The following HDAC9 variants were observed in gnomAD, a reference collection of about 807,000 sequenced individuals.
HDAC9 encodes the protein histone deacetylase 9, also known as MEF-2 interacting transcription repressor (MITR) protein.
Under a neutral mutation model 139.4 loss-of-function variants are expected in HDAC9, and 41 were observed. The observed-to-expected ratio is 0.29, with a 90% confidence interval of 0.23 to 0.38. HDAC9 has a LOEUF of 0.38. Ranked by LOEUF, HDAC9 falls within the 10% of genes least tolerant of loss-of-function variation. The pLI, the probability that HDAC9 is intolerant of heterozygous loss-of-function variation, is 1.00. For synonymous variants in HDAC9, 517 were observed against 476.2 expected, an observed-to-expected ratio of 1.09 and a Z score of -1.12; for missense variants, 1,147 against 1,297.0, an observed-to-expected ratio of 0.88 and a Z score of 1.78.
intron 2 of HDAC9, among the ~76,000 whole-genome samples, chr7:18,272,557 G>A (rs1164268917): frequency 2.0e-5 from 3 of 152,122 alleles, no homozygotes; most frequent in Non-Finnish European, 4.4e-5. Flanking sequence ...AATGGAAGCT[G>A]TCTCTAACAC....
At chr7:18,860,170 C>T (rs1798003733) in intron 21 of HDAC9, among the ~76,000 whole-genome samples, 1 of 151,652 alleles carries the variant, frequency 6.6e-6, no homozygotes, top group South Asian at 2.1e-4. Context: ...AAAAAATAGG[C>T]ACATAATTAA....
At chr7:18,660,745 G>A (rs183576840) in intron 11 of HDAC9, among the ~76,000 whole-genome samples, 144 of 152,222 alleles carry the variant, frequency 9.5e-4, no homozygotes, top group Middle Eastern at 3.4e-3. Flanking sequence ...AGAGCACGGC[G>A]TAGACTCAGG....
At chr7:18,803,175 A>T (rs1388360460) in intron 17 of HDAC9, among the ~76,000 whole-genome samples, 1 of 152,062 alleles carries the variant, frequency 6.6e-6, no homozygotes, top group East Asian at 1.9e-4. Flanking sequence ...ACCTTTAAAA[A>T]TTTAACCTAC....
intron 13 of HDAC9, among the ~76,000 whole-genome samples, chr7:18,740,301 A>G (rs1172042106): frequency 1.3e-5 from 2 of 152,150 alleles, no homozygotes; most frequent in Admixed American, 6.5e-5. Flanking sequence ...TCTTATTGAG[A>G]TGAACCAGGT....
At position 18,548,274 on chromosome 7, in the gene HDAC9, A is replaced by C. The variant is rs147478983; in HGVS notation, c.23-37007A>C. ...GTTCGTGGTGCTCCAAAACAATTAC[A>C]CTAGTAACATCAAAGATCACTGATT... is the stretch of plus-strand genomic sequence containing the variant. On this transcript the variant is annotated intron_variant, in intron 2 of 25. Coordinates refer to ENST00000686413, the MANE Select transcript of HDAC9 (RefSeq NM_178425.4). Among the ~76,000 whole-genome samples, 1,472 of 152,212 alleles carry C rather than the reference A, an allele frequency of 9.7e-3. 9 individuals are homozygous for C. The highest frequency in any genetic ancestry group is 0.015 in the Non-Finnish European group (1,012 of 67,988).
At chr7:18,431,630 T>C (rs1233868913) in intron 1 of HDAC9, among the ~76,000 whole-genome samples, 1 of 152,206 alleles carries the variant, frequency 6.6e-6, no homozygotes, top group Non-Finnish European at 1.5e-5. Context: ...GCAAATATCA[T>C]TGCTACTAAC....
intron 1 of HDAC9, among the ~76,000 whole-genome samples, chr7:18,360,487 A>G (rs190247413): frequency 3.3e-5 from 5 of 152,258 alleles, no homozygotes; most frequent in Non-Finnish European, 5.9e-5. Flanking sequence ...CTTTAGCCAT[A>G]AATTTCCAGA....
At chr7:18,610,006 A>T (rs900371768) in intron 6 of HDAC9, among the ~76,000 whole-genome samples, 13 of 152,136 alleles carry the variant, frequency 8.5e-5, no homozygotes, top group Non-Finnish European at 1.9e-4. Flanking sequence ...TTCCTCAAGG[A>T]TCTAGAACTA....
chr7:18,119,922 A>G (rs765333531), intron 1 of HDAC9, among the ~76,000 whole-genome samples: 4 of 152,194 alleles, frequency 2.6e-5, no homozygotes, highest in Admixed American at 1.3e-4. Flanking sequence ...GTATTGATCA[A>G]TCCTTGGGGT....
At chr7:18,301,597 C>T (rs1259018859) in intron 1 of HDAC9, among the ~76,000 whole-genome samples, 3 of 152,010 alleles carry the variant, frequency 2.0e-5, no homozygotes, top group Non-Finnish European at 2.9e-5. Flanking sequence ...ACTTTGACTC[C>T]TACTGCATTT....
intron 24 of HDAC9, among the ~76,000 whole-genome samples, chr7:18,962,431 T>G (rs1005169712): frequency 3.3e-5 from 5 of 152,154 alleles, no homozygotes; most frequent in African/African-American, 1.2e-4. Flanking sequence ...CTGGTTGTTG[T>G]GTTGGTGGCG....
intron 6 of HDAC9, among the ~76,000 whole-genome samples, chr7:18,625,510 G>A (rs1841443173): frequency 6.6e-6 from 1 of 152,132 alleles, no homozygotes; most frequent in African/African-American, 2.4e-5. Flanking sequence ...CCAGATGCCT[G>A]TAGCAGCTCT....
chr7:18,523,125 A>G (rs898622975), intron 2 of HDAC9, among the ~76,000 whole-genome samples: 1 of 152,228 alleles, frequency 6.6e-6, no homozygotes, highest in Non-Finnish European at 1.5e-5. Flanking sequence ...TAATGTTGCC[A>G]TGGCTGGAGA....
chr7:18,194,361 C>A (rs1181793262), intron 2 of HDAC9, among the ~76,000 whole-genome samples: 1 of 151,752 alleles, frequency 6.6e-6, no homozygotes, highest in South Asian at 2.1e-4. Context: ...GACCTTTTTT[C>A]TATCCTATTG....
intron 1 of HDAC9, among the ~76,000 whole-genome samples, chr7:18,484,702 A>C (rs1324493274): frequency 2.0e-5 from 3 of 152,092 alleles, no homozygotes; most frequent in Non-Finnish European, 4.4e-5. Context: ...AATAATGAAA[A>C]AGTATTAACC....
chr7:18,105,119 CTTT>C (rs1562623957), intron 1 of HDAC9, among the ~76,000 whole-genome samples: 3 of 87,238 alleles, frequency 3.4e-5, no homozygotes, highest in Non-Finnish European at 8.2e-5. Flanking sequence ...CATCTAGATG[CTTT>C]CTAGATGGGG....
chr7:18,251,371 G>C (rs943712025), intron 2 of HDAC9, among the ~76,000 whole-genome samples: 1 of 152,118 alleles, frequency 6.6e-6, no homozygotes, highest in Admixed American at 6.5e-5. Context: ...AGAGTGGTGG[G>C]GGGAGGGAGA....
chr7:18,253,363 C>A (rs2389939), intron 2 of HDAC9, among the ~76,000 whole-genome samples: 118,133 of 151,792 alleles, frequency 0.78, 46,087 homozygotes, highest in South Asian at 0.86. Flanking sequence ...AATTTACACT[C>A]CTACCAATAG....
intron 1 of HDAC9, among the ~76,000 whole-genome samples, chr7:18,476,098 A>G (rs1795092648): frequency 6.6e-6 from 1 of 152,172 alleles, no homozygotes; most frequent in Non-Finnish European, 1.5e-5. Flanking sequence ...CCTCTCTATT[A>G]TAGTCTTAAA....
Sources: allele counts gnomAD v4.1 joint callset (sites outside exome capture counted in the v4.1 genomes callset), GRCh38; gene constraint gnomAD v4.1.1; transcripts MANE v1.5; gene names NCBI Gene and HGNC (gene_info 2026-07-23, HGNC 2026-07-21).